The following MINDY4 variants were observed in gnomAD, a reference collection of about 807,000 sequenced individuals.
MINDY4 encodes the protein MINDY lysine 48 deubiquitinase 4.
A neutral mutation model predicts 87.0 loss-of-function variants in MINDY4; 68 were observed. The ratio of observed to expected loss-of-function variants is 0.78; its 90% confidence interval spans 0.64 to 0.96. The LOEUF is 0.96. Ranked by LOEUF, MINDY4 falls within the 40% of genes least tolerant of loss-of-function variation. The pLI is 0.00. For synonymous variants in MINDY4, 379 were observed against 363.2 expected (o/e 1.04, Z -0.50); for missense variants, 919 against 928.2 (o/e 0.99, Z 0.13).
At chr7:30,808,121 C>T (rs1310826715) in intron 5 of MINDY4, among the ~76,000 whole-genome samples, 3 of 152,158 alleles carry the variant, frequency 2.0e-5, no homozygotes, top group African/African-American at 2.4e-5. Context: ...AGAGCGCTCC[C>T]GGGTAGGCAA....
intron 15 of MINDY4, among the ~76,000 whole-genome samples, chr7:30,881,210 G>A (rs1398975522): frequency 6.6e-6 from 1 of 152,158 alleles, no homozygotes; most frequent in Non-Finnish European, 1.5e-5. Context: ...GGGGCTGGGG[G>A]AAAGTGCATG....
At chr7:30,857,170 G>T (rs1465180134) in intron 12 of MINDY4, among the ~76,000 whole-genome samples, 1 of 152,150 alleles carries the variant, frequency 6.6e-6, no homozygotes, top group Admixed American at 6.5e-5. Flanking sequence ...TAGTCAGCTT[G>T]CCCTCTCTTG....
intron 5 of MINDY4, chr7:30,803,258 T>C (rs912647020): frequency 6.6e-6 from 1 of 152,246 alleles, no homozygotes; most frequent in African/African-American, 2.4e-5. Context: ...TGCCTGAGTA[T>C]AGGGGTGACT....
Position 30,892,139 on chromosome 7 carries a change from G to A in MINDY4, c.*134G>A, listed in dbSNP as rs1022194772. On this transcript the variant is annotated 3_prime_UTR_variant, in exon 18 of 18. Coordinates refer to ENST00000265299, the MANE Select transcript of MINDY4 (RefSeq NM_032222.3). ...CAGCATGACTGCAGAAGCATCCAGA[G>A]CCTCCCTGCCCCTTCCATGAAGGGC... is the stretch of plus-strand genomic sequence containing the variant. 1 of 915,028 alleles carries A rather than the reference G, an allele frequency of 1.1e-6. No homozygotes were observed. The highest frequency in any genetic ancestry group is 1.8e-6 in the Non-Finnish European group (1 of 569,574). 56.7% of individuals were successfully genotyped at this position (915,028 alleles called of 1,614,324 possible).
chr7:30,820,036 G>T (rs1028894702), intron 5 of MINDY4, among the ~76,000 whole-genome samples: 33 of 149,252 alleles, frequency 2.2e-4, no homozygotes, highest in African/African-American at 8.1e-4. Flanking sequence ...CAAGTAGCTG[G>T]GACTACAGGC....
chr7:30,812,142 G>A (rs73685799), intron 5 of MINDY4, among the ~76,000 whole-genome samples: 3,092 of 152,178 alleles, frequency 0.02, 100 homozygotes, highest in African/African-American at 0.071. Flanking sequence ...AACCCCATGT[G>A]GATTTGGCAG....
intron 10 of MINDY4, among the ~76,000 whole-genome samples, chr7:30,851,612 C>T (rs1038593836): frequency 3.9e-5 from 6 of 152,176 alleles, no homozygotes; most frequent in African/African-American, 7.2e-5. Flanking sequence ...TTATTAACCC[C>T]GGCCCTTAGG....
chr7:30,854,992 G>T (rs1189918495), intron 12 of MINDY4, among the ~76,000 whole-genome samples: 3 of 152,256 alleles, frequency 2.0e-5, no homozygotes, highest in African/African-American at 7.2e-5. Flanking sequence ...GCTGGCCGGG[G>T]CATCGGGAGC....
rs368978423 is a variant in MINDY4, at chr7:30,829,941, G to A, written c.1132+1204G>A. On this transcript the variant is annotated intron_variant, in intron 6 of 17. Transcript: ENST00000265299. ...GTGTGTGTGTGCATGTTTTCTGGAGGGAGGCCGACCCCTCTTTGCTAATGG... is the reference window on the plus strand; with the variant it reads ...GTGTGTGTGTGCATGTTTTCTGGAGAGAGGCCGACCCCTCTTTGCTAATGG... 3.5e-4 allele frequency among the ~76,000 whole-genome samples: 54 copies of A among 152,248 alleles called. 2 individuals carry two copies. Among genetic ancestry groups the A allele is most frequent in the African/African-American group, 1.2e-3 (50 of 41,522 alleles).
chr7:30,872,232 G>A lies in MINDY4; in HGVS notation c.1746-11G>A, dbSNP rs201431961. 7 of 1,614,032 alleles carry A rather than the reference G, an allele frequency of 4.3e-6. No individual in the cohort carries two copies. In the South Asian group the frequency reaches 4.4e-5, roughly 10 times the overall value. ...CAGAGCTGTGCTAACAATGCTTCTTGTGTTTTCCAGCATCCGCCAGGACTT... is the reference window on the plus strand; with the variant it reads ...CAGAGCTGTGCTAACAATGCTTCTTATGTTTTCCAGCATCCGCCAGGACTT... On this transcript the variant is annotated splice_polypyrimidine_tract_variant and intron_variant, in intron 13 of 17. Coordinates refer to ENST00000265299, the MANE Select transcript of MINDY4 (RefSeq NM_032222.3).
chr7:30,878,188 G>T (rs1036251048), intron 15 of MINDY4, among the ~76,000 whole-genome samples: 1 of 152,082 alleles, frequency 6.6e-6, no homozygotes, highest in African/African-American at 2.4e-5. Flanking sequence ...CTGGCATTTG[G>T]AACAGCCTGG....
chr7:30,774,395 G>A (rs1439276079), intron 1 of MINDY4, among the ~76,000 whole-genome samples: 2 of 152,140 alleles, frequency 1.3e-5, no homozygotes, highest in African/African-American at 2.4e-5. Flanking sequence ...CAGGGATGTC[G>A]CTGTCTCCTG....
In MINDY4 at chr7:30,875,709, A is replaced by C; in HGVS notation, c.1971+53A>C. ...GTAGGGGAGCCTGACTCTCTGGAGC[A>C]ATGAGGAGGGAAGTGGGGAAGGAAA... On this transcript the variant is annotated intron_variant, in intron 15 of 17. Transcript: ENST00000265299. 1.9e-6 allele frequency: 3 copies of C among 1,546,150 alleles called. No individual in the cohort carries two copies. The South Asian group carries it at 3.8e-5, about 19-fold the overall frequency.
intron 5 of MINDY4, among the ~76,000 whole-genome samples, chr7:30,828,318 T>TTTTG (rs1554281157): frequency 1.6e-4 from 23 of 147,994 alleles, no homozygotes; most frequent in African/African-American, 5.7e-4. Flanking sequence ...AGAACTCGAT[T>TTTTG]TGTGTGTGTG....
At chr7:30,779,457 G>T (rs768986840) in intron 2 of MINDY4, 1 of 152,180 alleles carries the variant, frequency 6.6e-6, no homozygotes, top group Non-Finnish European at 1.5e-5. Flanking sequence ...CATAGTGTCA[G>T]AGTCAAAAAG....
chr7:30,778,516 G>A lies in MINDY4; in HGVS notation c.148G>A (p.Val50Ile), dbSNP rs770060133. 7.4e-6 allele frequency: 12 copies of A among 1,614,094 alleles called. No individual in the cohort carries two copies. In the South Asian group the frequency reaches 1.3e-4, roughly 18 times the overall value. The change falls in exon 2 of 18, where the codon GTT (valine) becomes ATT (isoleucine). Residue 50 changes from valine to isoleucine, a missense_variant. By Grantham distance (29) the Val-to-Ile change is conservative. Transcript: ENST00000265299. The part of the protein sequence containing the change: ...SINNRNDLRK[V>I]LHLEFLYKEN... ...AAACAACAGAAATGATCTTCGAAAG[G>A]TTTTGCATCTTGAATTTCTCTATAA...
intron 9 of MINDY4, among the ~76,000 whole-genome samples, chr7:30,841,310 A>G (rs573108795): frequency 6.6e-6 from 1 of 152,288 alleles, no homozygotes; most frequent in East Asian, 1.9e-4. Flanking sequence ...TTCACACATT[A>G]AGTGTTTGCA....
chr7:30,888,932 C>T (rs1226948913), intron 17 of MINDY4, among the ~76,000 whole-genome samples: 1 of 152,280 alleles, frequency 6.6e-6, no homozygotes, highest in Middle Eastern at 3.4e-3. Flanking sequence ...GTGACTCACC[C>T]CTGCACTGAA....
chr7:30,856,964 G>A (rs746285444), intron 12 of MINDY4, among the ~76,000 whole-genome samples: 3 of 152,164 alleles, frequency 2.0e-5, no homozygotes, highest in Non-Finnish European at 2.9e-5. Context: ...GGCCAGGTGG[G>A]TCTTCATTAT....
Sources: gnomAD v4.1 joint callset for allele counts (sites outside exome capture counted in the v4.1 genomes callset) on GRCh38, gnomAD v4.1.1 for gene constraint, MANE v1.5 for transcripts, NCBI Gene and HGNC (gene_info 2026-07-23, HGNC 2026-07-21) for gene names.